Variants in ZC3H4 observed in about 807,000 individuals in gnomAD.
The protein encoded by ZC3H4 is zinc finger CCCH domain-containing protein 4.
In ZC3H4, 13 loss-of-function variants were observed where a neutral mutation model predicts 108.3. The ratio of observed to expected loss-of-function variants is 0.12; its 90% CI spans 0.08 to 0.19. The LOEUF (loss-of-function observed/expected upper bound fraction) is 0.19, where lower values mean the gene tolerates loss of function less well. Among genes scored for constraint, ZC3H4 ranks in the 10% least tolerant of loss-of-function variants. ZC3H4 has a pLI of 1.00. For missense variants in ZC3H4, 1,734 were observed against 1,838.8 expected (o/e 0.94, Z 1.04); for synonymous variants, 917 against 749.6 (o/e 1.22, Z -3.65).
At chr19:47,086,845 T>C (rs781714428) in intron 5 of ZC3H4, among the ~76,000 whole-genome samples, 45 of 152,336 alleles carry the variant, frequency 3.0e-4, no homozygotes, top group Middle Eastern at 3.4e-3. Flanking sequence ...CATGGGCTAA[T>C]GTGCAACTAA....
intron 11 of ZC3H4, among the ~76,000 whole-genome samples, chr19:47,077,932 T>C (rs960941154): frequency 6.6e-6 from 1 of 151,100 alleles, no homozygotes; most frequent in Non-Finnish European, 1.5e-5. Flanking sequence ...AAAGCAGAAA[T>C]CTACAACCCT....
chr19:47,093,294 G>T (rs999244360), intron 4 of ZC3H4, among the ~76,000 whole-genome samples: 1 of 151,294 alleles, frequency 6.6e-6, no homozygotes, highest in Non-Finnish European at 1.5e-5. Flanking sequence ...TATACAAACT[G>T]AACAAATAAT....
At chr19:47,090,843 CAA>C (rs1250787143) in intron 4 of ZC3H4, among the ~76,000 whole-genome samples, 1 of 152,168 alleles carries the variant, frequency 6.6e-6, no homozygotes. Context: ...TCAATTCTAA[CAA>C]AGTTACCACA....
rs1330578669 is a variant in ZC3H4, at chr19:47,067,762, C to T, written c.2506G>A (p.Val836Ile). ...AGCCCACTGCTGCTCAGCTCCCCAA[C>T]TGAAGCCGGGGGTCGGCTGGACGTC... Reference protein sequence around the residue: ...QQTSSRPPASVGELSSSGLGD... With the variant: ...QQTSSRPPASIGELSSSGLGD... The change falls in exon 15 of 15, where the codon GTT becomes ATT. Residue 836 changes from valine to isoleucine, a missense_variant. Transcript: ENST00000253048. The surrounding 1 kb of genome is among the most constrained non-coding windows in gnomAD (Gnocchi z 6.4). 3 of 1,609,488 alleles carry T rather than the reference C, an allele frequency of 1.9e-6. No homozygotes were observed. The highest frequency in any genetic ancestry group is 2.2e-5 in the East Asian group (1 of 44,790).
Position 47,067,988 on chromosome 19 carries a change from T to C in ZC3H4, c.2399-119A>G. 2 of 1,002,416 alleles carry C rather than the reference T, an allele frequency of 2.0e-6. No individual in the cohort carries two copies. The highest frequency in any genetic ancestry group is 2.9e-6 in the Non-Finnish European group (2 of 680,872). 62.1% of individuals were successfully genotyped at this position (1,002,416 alleles called of 1,614,324 possible). The stretch of plus-strand genomic sequence containing the variant: ...TGCTTGTGCCTCTCAGAACCTCAGG[T>C]CCTCCTCTCTAAGGCTCCCTCCCCA... On this transcript the variant is annotated intron_variant, in intron 14 of 14. Coordinates refer to ENST00000253048, the MANE Select transcript of ZC3H4 (RefSeq NM_015168.2). The surrounding 1 kb of genome is among the most constrained non-coding windows in gnomAD (Gnocchi z 6.4).
At chr19:47,069,993 C>T (rs558888466) in intron 13 of ZC3H4, among the ~76,000 whole-genome samples, 1 of 152,322 alleles carries the variant, frequency 6.6e-6, no homozygotes, top group South Asian at 2.1e-4. Flanking sequence ...CCCCCAGTGC[C>T]TGAGCCAAGA....
At chr19:47,089,109 G>C (rs1164243604) in intron 5 of ZC3H4, among the ~76,000 whole-genome samples, 1 of 150,794 alleles carries the variant, frequency 6.6e-6, no homozygotes, top group Non-Finnish European at 1.5e-5. Flanking sequence ...AGGAGGCTGA[G>C]GCAGAAGAAT....
chr19:47,073,503 C>T (rs1405050565), intron 11 of ZC3H4, among the ~76,000 whole-genome samples: 3 of 151,214 alleles, frequency 2.0e-5, no homozygotes, highest in Non-Finnish European at 3.0e-5. Context: ...ACCTGGGAGG[C>T]GGAGGTTCCA....
intron 1 of ZC3H4, 58 bp from the exon 2 acceptor site, chr19:47,112,647 G>T (rs1266222080): frequency 1.7e-6 from 2 of 1,177,450 alleles, no homozygotes; most frequent in Admixed American, 4.2e-5. Context: ...GTGGCGGGAG[G>T]GGCACACTTA....
chr19:47,086,253 T>C (rs2057619749), intron 6 of ZC3H4, 131 bp downstream of exon 6: 36 of 1,045,054 alleles, frequency 3.4e-5, no homozygotes, highest in Non-Finnish European at 4.7e-5. Context: ...ATCTGCGCTC[T>C]GAGGCTTCCC....
chr19:47,104,070 G>A (rs893136184), intron 2 of ZC3H4, among the ~76,000 whole-genome samples: 2 of 152,116 alleles, frequency 1.3e-5, no homozygotes, highest in Admixed American at 6.6e-5. Flanking sequence ...TGTAATCCCA[G>A]CACTTTGGGA....
intron 2 of ZC3H4, chr19:47,112,122 G>T: frequency 9.3e-7 from 1 of 1,074,734 alleles, no homozygotes; most frequent in East Asian, 5.8e-5. Flanking sequence ...GGACGGGCGC[G>T]GGGGGTCCGA....
In ZC3H4 at chr19:47,094,098, G is replaced by A. The variant is rs976973969; in HGVS notation, c.382-18C>T. 2 of 1,611,548 alleles carry A rather than the reference G, an allele frequency of 1.2e-6. No individual in the cohort carries two copies. Among genetic ancestry groups the A allele is most frequent in the African/African-American group, 1.3e-5 (1 of 74,900 alleles). The stretch of plus-strand genomic sequence containing the variant: ...GCATGGCGCTGTAATGACAGGGGAA[G>A]GAGACTCAGCAACCTGCCACAGGCA... On this transcript the variant is annotated intron_variant, in intron 3 of 14. Transcript: ENST00000253048.
chr19:47,069,642 C>T (rs1185498853), intron 13 of ZC3H4, among the ~76,000 whole-genome samples: 1 of 152,198 alleles, frequency 6.6e-6, no homozygotes, highest in Non-Finnish European at 1.5e-5. Flanking sequence ...TGAAAAGACA[C>T]ACAGAAACAG....
rs981439837 is a variant in ZC3H4 at position 47,112,063 on chromosome 19, C to T, written c.161+361G>A. The T allele has an allele frequency of 8.3e-6, 8 of 964,776 alleles. No homozygotes were observed. In the African/African-American group the frequency reaches 1.4e-4, roughly 17 times the overall value. 59.8% of individuals were successfully genotyped at this position (964,776 alleles called of 1,614,324 possible). On this transcript the variant is annotated intron_variant, in intron 2 of 14. Coordinates refer to ENST00000253048, the MANE Select transcript of ZC3H4 (RefSeq NM_015168.2). Reference sequence around the variant, plus strand: ...CCGGGCGCAGGGGCAGCCAGGACCCCCGTGGGTCTCCGCAGCACCCCCCAC... The same window carrying T: ...CCGGGCGCAGGGGCAGCCAGGACCCTCGTGGGTCTCCGCAGCACCCCCCAC...
intron 14 of ZC3H4, among the ~76,000 whole-genome samples, chr19:47,068,472 C>T (rs959515585): frequency 2.6e-5 from 4 of 152,202 alleles, no homozygotes; most frequent in South Asian, 2.1e-4. Flanking sequence ...GAGGCAGGGC[C>T]GGCTGGGCAG....
At chr19:47,100,296 C>T (rs1017585584) in intron 2 of ZC3H4, among the ~76,000 whole-genome samples, 4 of 151,298 alleles carry the variant, frequency 2.6e-5, no homozygotes, top group African/African-American at 9.8e-5. Flanking sequence ...ACCTCTGGGT[C>T]TTGCACATGC....
intron 2 of ZC3H4, among the ~76,000 whole-genome samples, chr19:47,098,209 C>G (rs1485485577): frequency 6.6e-6 from 1 of 152,234 alleles, no homozygotes; most frequent in South Asian, 2.1e-4. Flanking sequence ...TTGGTAAAGA[C>G]ATTTCATGTT....
At chr19:47,108,448 A>G (rs912055242) in intron 2 of ZC3H4, among the ~76,000 whole-genome samples, 8 of 152,146 alleles carry the variant, frequency 5.3e-5, no homozygotes, top group Non-Finnish European at 5.9e-5. Flanking sequence ...AAATGTAACA[A>G]AAGGAAGTGA....
Sources: gnomAD v4.1 joint callset for allele counts (sites outside exome capture counted in the v4.1 genomes callset) on GRCh38, gnomAD v4.1.1 for gene constraint, Gnocchi (gnomAD v3.1) non-coding constraint, MANE v1.5 for transcripts, NCBI Gene and HGNC (gene_info 2026-07-23, HGNC 2026-07-21) for gene names.